The following NBEA variants were observed in gnomAD, a reference collection of about 807,000 sequenced individuals.
NBEA encodes the protein lysosomal-trafficking regulator 2.
Under a neutral mutation model 343.4 loss-of-function variants are expected in NBEA, and 44 were observed. That is an observed-to-expected ratio of 0.13 (90% CI 0.10 to 0.16). The LOEUF (loss-of-function observed/expected upper bound fraction) is 0.16, where lower values mean the gene tolerates loss of function less well. NBEA is among the 10% of genes least tolerant of loss of function. The pLI is 1.00. For synonymous variants in NBEA, 1,175 were observed against 1,238.7 expected, an observed-to-expected ratio of 0.95 and a Z score of 1.08; for missense variants, 2,555 against 3,631.3, an observed-to-expected ratio of 0.70 and a Z score of 7.62.
intron 38 of NBEA, among the ~76,000 whole-genome samples, chr13:35,375,988 T>G (rs1481161105): frequency 6.6e-6 from 1 of 152,164 alleles, no homozygotes; most frequent in Non-Finnish European, 1.5e-5. Flanking sequence ...TTGTCTAGGA[T>G]ACAGTTGTCA....
chr13:35,258,121 C>A (rs902475643), intron 34 of NBEA, among the ~76,000 whole-genome samples: 1 of 150,562 alleles, frequency 6.6e-6, no homozygotes, highest in Admixed American at 6.6e-5. Flanking sequence ...TAAGGTTTTG[C>A]AAACTTTTTC....
chr13:35,623,826 C>T (rs1296656772), intron 48 of NBEA, among the ~76,000 whole-genome samples: 1 of 152,002 alleles, frequency 6.6e-6, no homozygotes, highest in Non-Finnish European at 1.5e-5. Context: ...TTACATTACA[C>T]GTAAATTCTA....
intron 7 of NBEA, among the ~76,000 whole-genome samples, chr13:35,058,265 A>T (rs1233363542): frequency 3.3e-5 from 5 of 152,138 alleles, no homozygotes; most frequent in Non-Finnish European, 5.9e-5. Context: ...AGAGGAATAG[A>T]TTTGTAATTT....
chr13:34,947,430 A>C (rs2059218427), intron 1 of NBEA, among the ~76,000 whole-genome samples: 1 of 152,136 alleles, frequency 6.6e-6, no homozygotes, highest in African/African-American at 2.4e-5. Flanking sequence ...TATTGGGTCT[A>C]ACAGACCCAG....
chr13:35,130,931 A>G (rs574273155), intron 17 of NBEA, among the ~76,000 whole-genome samples: 3 of 152,200 alleles, frequency 2.0e-5, no homozygotes, highest in South Asian at 2.1e-4. Flanking sequence ...TGCAGTAAAA[A>G]TATTTAAAAT....
chr13:35,258,442 G>A (rs755783788), intron 34 of NBEA, among the ~76,000 whole-genome samples: 1 of 151,832 alleles, frequency 6.6e-6, no homozygotes, highest in African/African-American at 2.4e-5. Context: ...GGGATTACAG[G>A]CATGAGCCAC....
At chr13:35,496,656 GAAAAGAAAAGA>G (rs2076692237) in intron 41 of NBEA, among the ~76,000 whole-genome samples, 1 of 146,058 alleles carries the variant, frequency 6.8e-6, no homozygotes, top group Non-Finnish European at 1.5e-5. Context: ...AAAAAGAATA[GAAAAGAAAAGA>G]AAAAGAAAAG....
chr13:35,522,231 T>G (rs2077750128), intron 41 of NBEA, among the ~76,000 whole-genome samples: 1 of 151,110 alleles, frequency 6.6e-6, no homozygotes, highest in Non-Finnish European at 1.5e-5. Flanking sequence ...CCAAAGAGGG[T>G]GGATCACCTG....
At chr13:34,990,598 C>A (rs991105924) in intron 1 of NBEA, among the ~76,000 whole-genome samples, 1 of 150,950 alleles carries the variant, frequency 6.6e-6, no homozygotes, top group Admixed American at 6.6e-5. Context: ...TCCCTTAGGC[C>A]TCTGGGCCTT....
rs188032165 is a variant in NBEA at position 35,305,990 on chromosome 13, A to G, written c.5839-3538A>G. 3.6e-3 allele frequency among the ~76,000 whole-genome samples: 543 copies of G among 152,270 alleles called. 2 individuals are homozygous for G. Among genetic ancestry groups the G allele is most frequent in the Non-Finnish European group, 5.9e-3 (398 of 68,016 alleles). ...TAAACTCTCATATTGAAAAATTGGT[A>G]TTTCAACTTAAAGTTACTTTAAATT... On this transcript the variant is annotated intron_variant, in intron 35 of 58. Transcript: ENST00000379939.
chr13:35,582,227 A>G (rs2081086833), intron 45 of NBEA, among the ~76,000 whole-genome samples: 2 of 152,326 alleles, frequency 1.3e-5, no homozygotes. Context: ...CGGAGCTTGC[A>G]GCGAGCCCAG....
chr13:35,269,658 C>T (rs550223235), intron 34 of NBEA, among the ~76,000 whole-genome samples: 18 of 152,020 alleles, frequency 1.2e-4, no homozygotes, highest in Non-Finnish European at 7.4e-5. Flanking sequence ...ACAGACCATT[C>T]GTTGGAGAAA....
intron 16 of NBEA, among the ~76,000 whole-genome samples, chr13:35,119,150 T>C (rs1330214695): frequency 6.6e-6 from 1 of 152,200 alleles, no homozygotes; most frequent in East Asian, 1.9e-4. Context: ...GCAATTGAAA[T>C]GTAACTTGGT....
At chr13:35,370,419 ATG>A (rs1282904836) in intron 38 of NBEA, among the ~76,000 whole-genome samples, 2 of 151,700 alleles carry the variant, frequency 1.3e-5, no homozygotes, top group Non-Finnish European at 2.9e-5. Context: ...TTTAGTCTGT[ATG>A]TGTCTTTGCA....
At chr13:35,376,369 A>G (rs909189934) in intron 38 of NBEA, among the ~76,000 whole-genome samples, 1 of 151,932 alleles carries the variant, frequency 6.6e-6, no homozygotes. Context: ...TTGCACTGCT[A>G]TAGTTTAAGG....
At chr13:35,178,148 T>A (rs930325647) in intron 28 of NBEA, among the ~76,000 whole-genome samples, 26 of 151,662 alleles carry the variant, frequency 1.7e-4, no homozygotes, top group Non-Finnish European at 3.5e-4. Context: ...CTAAAAATTT[T>A]AAAATGATAA....
chr13:35,156,982 A>T (rs1322645828), intron 20 of NBEA, 96 bp from the exon 21 acceptor site: 1 of 1,049,002 alleles, frequency 9.5e-7, no homozygotes, highest in Non-Finnish European at 1.3e-6. Flanking sequence ...CTGAGGTCAG[A>T]TCATATTTTC....
At chr13:35,124,494 G>A (rs1173221419) in intron 17 of NBEA, among the ~76,000 whole-genome samples, 7 of 143,634 alleles carry the variant, frequency 4.9e-5, no homozygotes, top group African/African-American at 1.8e-4. Context: ...ATATGTGTGT[G>A]TATACACACA....
intron 41 of NBEA, among the ~76,000 whole-genome samples, chr13:35,503,660 G>A (rs570359661): frequency 1.3e-5 from 2 of 152,038 alleles, no homozygotes; most frequent in South Asian, 4.1e-4. Context: ...TTCATGGTTT[G>A]TTTCATTTTG....
Sources: allele counts gnomAD v4.1 joint callset (sites outside exome capture counted in the v4.1 genomes callset), GRCh38; gene constraint gnomAD v4.1.1; transcripts MANE v1.5; gene names NCBI Gene and HGNC (gene_info 2026-07-23, HGNC 2026-07-21).